The following LYPLAL1 variants were observed in gnomAD, a reference collection of about 807,000 sequenced individuals.
LYPLAL1 encodes lysophospholipase-like protein 1.
LYPLAL1 carries 23 observed loss-of-function variants against 19.7 expected under a neutral mutation model. The ratio of observed to expected loss-of-function variants is 1.17; its 90% CI spans 0.84 to 1.65. The LOEUF (loss-of-function observed/expected upper bound fraction) is 1.65. Among genes scored for constraint, LYPLAL1 ranks in the 40% most tolerant of loss-of-function variants. LYPLAL1 has a pLI of 0.00. For synonymous variants in LYPLAL1, 119 were observed against 96.3 expected, an observed-to-expected ratio of 1.24 and a Z score of -1.38; for missense variants, 355 against 279.4, an observed-to-expected ratio of 1.27 and a Z score of -1.93.
the LYPLAL1 span, among the ~76,000 whole-genome samples, chr1:219,406,571 G>T: frequency 6.6e-6 from 1 of 152,160 alleles, no homozygotes; most frequent in Admixed American, 6.5e-5. Flanking sequence ...AAATTGAGCT[G>T]AAACGAACAT....
At chr1:219,428,792 C>G in the LYPLAL1 span, among the ~76,000 whole-genome samples, 1 of 152,234 alleles carries the variant, frequency 6.6e-6, no homozygotes, top group Non-Finnish European at 1.5e-5. Context: ...TTCTCTCCAC[C>G]TGGCATGTCA....
At chr1:219,358,563 G>A in the LYPLAL1 span, among the ~76,000 whole-genome samples, 23 of 152,124 alleles carry the variant, frequency 1.5e-4, no homozygotes, top group Non-Finnish European at 2.6e-4. Flanking sequence ...CATGGCAGAA[G>A]GGGAAGCAGG....
At chr1:219,378,612 A>G in the LYPLAL1 span, among the ~76,000 whole-genome samples, 1 of 152,076 alleles carries the variant, frequency 6.6e-6, no homozygotes. Context: ...GGGGAGGTGG[A>G]GAGAAGGTTC....
chr1:219,345,349 G>T, the LYPLAL1 span, among the ~76,000 whole-genome samples: 33 of 152,270 alleles, frequency 2.2e-4, 1 homozygote, highest in Admixed American at 1.5e-3. Context: ...TGGATAAAAT[G>T]ACAATGATCC....
the LYPLAL1 span, among the ~76,000 whole-genome samples, chr1:219,283,848 G>T: frequency 6.6e-6 from 1 of 152,176 alleles, no homozygotes; most frequent in Non-Finnish European, 1.5e-5. Flanking sequence ...CATATCAGAA[G>T]AGGGAGGAAG....
At chr1:219,196,598 G>A (rs1482888333) in intron 3 of LYPLAL1, among the ~76,000 whole-genome samples, 1 of 152,074 alleles carries the variant, frequency 6.6e-6, no homozygotes, top group African/African-American at 2.4e-5. Context: ...AGACAAAGAT[G>A]CTCTCTCTCA....
the LYPLAL1 span, among the ~76,000 whole-genome samples, chr1:219,284,129 A>T: frequency 1.3e-5 from 2 of 152,188 alleles, no homozygotes; most frequent in African/African-American, 4.8e-5. Context: ...TCCTTCTGCC[A>T]TGTAAGACAT....
chr1:219,340,455 T>A, the LYPLAL1 span, among the ~76,000 whole-genome samples: 1 of 151,992 alleles, frequency 6.6e-6, no homozygotes, highest in African/African-American at 2.4e-5. Flanking sequence ...ACCAACCAAT[T>A]AAGAGGATGG....
chr1:219,184,164 C>CTCT (rs1475190159), intron 2 of LYPLAL1, among the ~76,000 whole-genome samples: 1 of 151,860 alleles, frequency 6.6e-6, no homozygotes, highest in Admixed American at 6.6e-5. Flanking sequence ...CCTTCTAATA[C>CTCT]ATACACATGG....
intron 2 of LYPLAL1, among the ~76,000 whole-genome samples, chr1:219,187,513 TTTA>T (rs1385418964): frequency 2.0e-5 from 3 of 151,754 alleles, no homozygotes; most frequent in Admixed American, 6.6e-5. Context: ...TTAGTTTGTG[TTTA>T]TTATTAGAAT....
the LYPLAL1 span, among the ~76,000 whole-genome samples, chr1:219,407,027 A>T: frequency 6.6e-6 from 1 of 152,312 alleles, no homozygotes; most frequent in East Asian, 1.9e-4. Flanking sequence ...TCTTTCCTTA[A>T]TGATGTTGTT....
At chr1:219,323,800 G>A in the LYPLAL1 span, among the ~76,000 whole-genome samples, 2 of 152,106 alleles carry the variant, frequency 1.3e-5, no homozygotes, top group East Asian at 1.9e-4. Context: ...AATCTCCCCA[G>A]TATAACAATA....
the LYPLAL1 span, among the ~76,000 whole-genome samples, chr1:219,342,170 C>G: frequency 2.6e-5 from 4 of 152,198 alleles, no homozygotes; most frequent in African/African-American, 9.6e-5. Context: ...CATTGACCCA[C>G]TAGCTGCTGA....
the LYPLAL1 span, among the ~76,000 whole-genome samples, chr1:219,269,947 C>T: frequency 1.3e-3 from 192 of 152,146 alleles, 1 homozygote; most frequent in African/African-American, 4.2e-3. Context: ...AAAATATGAA[C>T]GAACTTTAAA....
chr1:219,257,514 G>A, the LYPLAL1 span, among the ~76,000 whole-genome samples: 1 of 151,816 alleles, frequency 6.6e-6, no homozygotes, highest in Non-Finnish European at 1.5e-5. Flanking sequence ...GGGCCACCAG[G>A]GGAGACATCA....
the LYPLAL1 span, among the ~76,000 whole-genome samples, chr1:219,426,143 G>A: frequency 6.6e-6 from 1 of 152,134 alleles, no homozygotes; most frequent in South Asian, 2.1e-4. Context: ...TTGGGCCATG[G>A]GTAATTTGGG....
chr1:219,303,631 G>A, the LYPLAL1 span, among the ~76,000 whole-genome samples: 35 of 152,168 alleles, frequency 2.3e-4, no homozygotes, highest in Non-Finnish European at 4.1e-4. Context: ...CTATTTTATT[G>A]CCATATATTT....
At position 219,193,330 on chromosome 1, in the gene LYPLAL1, A is replaced by C. The variant is rs533580749; in HGVS notation, c.361+79A>C. 3.5e-6 allele frequency: 4 copies of C among 1,148,248 alleles called. No homozygotes were observed. In the South Asian group the frequency reaches 6.2e-5, roughly 18 times the overall value. The allele number at this position is 1,148,248 out of a possible 1,614,324, so 71.1% of individuals were successfully genotyped here. The stretch of plus-strand genomic sequence containing the variant: ...TACATCAAATCTTACTTGGAACATT[A>C]TTTAGAAGCACTTGTATATCATTCG... On this transcript the variant is annotated intron_variant, in intron 3 of 4. Coordinates refer to ENST00000366928, the MANE Select transcript of LYPLAL1 (RefSeq NM_138794.5).
At chr1:219,272,668 C>T in the LYPLAL1 span, 1 of 151,930 alleles carries the variant, frequency 6.6e-6, no homozygotes, top group Non-Finnish European at 1.5e-5. Flanking sequence ...ACTTGGAAAG[C>T]TGAGGCAGGC....
Sources: gnomAD v4.1 joint callset for allele counts (sites outside exome capture counted in the v4.1 genomes callset) on GRCh38, gnomAD v4.1.1 for gene constraint, MANE v1.5 for transcripts, NCBI Gene and HGNC (gene_info 2026-07-23, HGNC 2026-07-21) for gene names.